The following DIP2C variants were observed in gnomAD, a reference collection of about 807,000 sequenced individuals.
The protein encoded by DIP2C is DIP2 acetate--CoA ligase C (putative).
A neutral mutation model predicts 192.4 loss-of-function variants in DIP2C; 33 were observed. That is an observed-to-expected ratio of 0.17 (90% CI 0.13 to 0.23). The LOEUF is 0.23. DIP2C is among the 10% of genes least tolerant of loss of function. The pLI, the probability that DIP2C is intolerant of heterozygous loss-of-function variation, is 1.00. For missense variants in DIP2C, 1,537 were observed against 2,110.1 expected, an observed-to-expected ratio of 0.73 and a Z score of 5.32; for synonymous variants, 979 against 864.1, an observed-to-expected ratio of 1.13 and a Z score of -2.33.
rs539733753 is a variant in DIP2C, at chr10:372,868, C to T, written c.1992-3235G>A. On this transcript the variant is annotated intron_variant, in intron 17 of 36. Transcript: ENST00000280886. ...CCTCACAGCCCCACCTCCCCACAGA[C>T]GTGGTGTTTGGGGCCACCCCTTAAC... is the stretch of plus-strand genomic sequence containing the variant. 8.9e-4 allele frequency among the ~76,000 whole-genome samples: 135 copies of T among 152,010 alleles called. 1 individual carries two copies. The highest frequency in any genetic ancestry group is 3.0e-3 in the African/African-American group (126 of 41,364).
chr10:600,657 A>C (rs1852009317), intron 1 of DIP2C, among the ~76,000 whole-genome samples: 1 of 152,040 alleles, frequency 6.6e-6, no homozygotes, highest in South Asian at 2.1e-4. Context: ...CACCTTAAAG[A>C]GGATGGCCCA....
At chr10:371,673 G>GATCA (rs1564627596) in intron 17 of DIP2C, among the ~76,000 whole-genome samples, 247 of 140,360 alleles carry the variant, frequency 1.8e-3, no homozygotes, top group African/African-American at 5.9e-3. Context: ...CCTGGGCTGA[G>GATCA]CTGAGCAGCA....
intron 1 of DIP2C, among the ~76,000 whole-genome samples, chr10:610,678 C>G (rs966254483): frequency 6.6e-6 from 1 of 152,232 alleles, no homozygotes; most frequent in African/African-American, 2.4e-5. Flanking sequence ...ACCCAAATCT[C>G]ATGCTGAACT....
intron 22 of DIP2C, among the ~76,000 whole-genome samples, chr10:361,581 T>G (rs1385173269): frequency 6.6e-6 from 1 of 152,172 alleles, no homozygotes; most frequent in African/African-American, 2.4e-5. Context: ...CGTGGGTCAC[T>G]GGGGTTGCTG....
At position 276,168 on chromosome 10, in the gene DIP2C, A is replaced by G. The variant is rs893198651; in HGVS notation, c.*1157T>C. On this transcript the variant is annotated 3_prime_UTR_variant, in exon 37 of 37. Coordinates refer to ENST00000280886, the MANE Select transcript of DIP2C (RefSeq NM_014974.3). Reference sequence around the variant, plus strand: ...AAAACAGTGCTATTTGCCAACCTAAAGCCCCTCAGTATCATCAGCACACGC... The same window carrying G: ...AAAACAGTGCTATTTGCCAACCTAAGGCCCCTCAGTATCATCAGCACACGC... 1 of 152,698 alleles carries G rather than the reference A, an allele frequency of 6.5e-6. No individual in the cohort carries two copies. Among genetic ancestry groups the G allele is most frequent in the African/African-American group, 2.4e-5 (1 of 41,462 alleles). The allele number at this position is 152,698 out of a possible 1,614,324, so 9.5% of individuals were successfully genotyped here.
chr10:302,589 T>G (rs1264070387), intron 32 of DIP2C, among the ~76,000 whole-genome samples: 2 of 152,168 alleles, frequency 1.3e-5, no homozygotes, highest in Non-Finnish European at 2.9e-5. Context: ...TGTCAGTCCA[T>G]TGTGTCATCA....
intron 1 of DIP2C, among the ~76,000 whole-genome samples, chr10:534,142 G>C (rs1414214804): frequency 6.6e-6 from 1 of 152,226 alleles, no homozygotes; most frequent in African/African-American, 2.4e-5. Flanking sequence ...ACTTCCCAGA[G>C]TCCATGCTTC....
Position 644,471 on chromosome 10 carries a change from C to T in DIP2C, c.85+45023G>A, listed in dbSNP as rs1247594776. 3.3e-5 allele frequency among the ~76,000 whole-genome samples: 5 copies of T among 152,284 alleles called. No individual in the cohort carries two copies. The South Asian group carries it at 8.3e-4, about 25-fold the overall frequency. ...ACAATCCCAGACTTGCCCACAGCTG[C>T]AGGCGCGTCCTGGGAGCGCGGCTTC... On this transcript the variant is annotated intron_variant, in intron 1 of 36. Coordinates refer to ENST00000280886, the MANE Select transcript of DIP2C (RefSeq NM_014974.3).
intron 11 of DIP2C, 127 bp downstream of exon 11, chr10:390,613 A>C: frequency 6.8e-7 from 1 of 1,470,492 alleles, no homozygotes; most frequent in Non-Finnish European, 9.2e-7. Context: ...ACGCGTGAAA[A>C]CTCGTGGGTC....
intron 30 of DIP2C, among the ~76,000 whole-genome samples, chr10:328,754 A>G (rs904241856): frequency 6.6e-5 from 10 of 151,646 alleles, no homozygotes. Flanking sequence ...ACACAAACAC[A>G]ATCCATGTAT....
chr10:293,818 G>A (rs915159446), intron 32 of DIP2C, among the ~76,000 whole-genome samples: 4 of 152,210 alleles, frequency 2.6e-5, no homozygotes, highest in African/African-American at 9.6e-5. Flanking sequence ...TTCTACAGGA[G>A]GTCCTCCCAG....
chr10:610,226 G>A (rs117345306), intron 1 of DIP2C, among the ~76,000 whole-genome samples: 4,158 of 152,240 alleles, frequency 0.027, 92 homozygotes, highest in Non-Finnish European at 0.043. Context: ...AGAAAGAAAT[G>A]GTGCATGTTC....
chr10:324,305 C>G (rs1416099978), intron 31 of DIP2C, among the ~76,000 whole-genome samples: 1 of 152,222 alleles, frequency 6.6e-6, no homozygotes, highest in Non-Finnish European at 1.5e-5. Context: ...CCCACCCTTC[C>G]TTGCTGCAGG....
At chr10:347,555 C>T (rs71492988) in intron 26 of DIP2C, among the ~76,000 whole-genome samples, 33 of 103,984 alleles carry the variant, frequency 3.2e-4, no homozygotes, top group Non-Finnish European at 3.5e-4. Flanking sequence ...TCGCGCATAG[C>T]TCTCCCGGAA....
chr10:432,783 CT>C (rs1428047207), intron 4 of DIP2C, among the ~76,000 whole-genome samples: 1 of 152,124 alleles, frequency 6.6e-6, no homozygotes, highest in East Asian at 1.9e-4. Context: ...GCATTTAAAG[CT>C]ATAAATTTCC....
At chr10:585,337 C>T (rs1331110332) in intron 1 of DIP2C, among the ~76,000 whole-genome samples, 1 of 152,224 alleles carries the variant, frequency 6.6e-6, no homozygotes, top group Non-Finnish European at 1.5e-5. Context: ...GGCCTCTCTC[C>T]ATTCCCTACT....
chr10:337,236 CCGGTGTGTGTG>C (rs1957853689), intron 29 of DIP2C, among the ~76,000 whole-genome samples: 1 of 16,026 alleles, frequency 6.2e-5, no homozygotes, highest in Non-Finnish European at 1.6e-4. Context: ...GAGGCCTAGG[CCGGTGTGTGTG>C]TGTTGTGGAG....
intron 2 of DIP2C, among the ~76,000 whole-genome samples, chr10:481,780 C>G (rs558316716): frequency 6.6e-6 from 1 of 152,188 alleles, no homozygotes; most frequent in South Asian, 2.1e-4. Context: ...CATCCATCCT[C>G]GTACCACGGT....
chr10:405,838 C>T (rs1406818864), intron 9 of DIP2C, among the ~76,000 whole-genome samples: 1 of 152,192 alleles, frequency 6.6e-6, no homozygotes, highest in Non-Finnish European at 1.5e-5. Flanking sequence ...CCTCACACAG[C>T]CGGCCCTGCT....
Sources: allele counts gnomAD v4.1 joint callset (sites outside exome capture counted in the v4.1 genomes callset), GRCh38; gene constraint gnomAD v4.1.1; transcripts MANE v1.5; gene names NCBI Gene and HGNC (gene_info 2026-07-23, HGNC 2026-07-21).